WDR7: variants seen among roughly 807,000 people sequenced by gnomAD.
WDR7 encodes WD repeat domain 7, also known as WD repeat-containing protein 7.
WDR7 carries 46 observed loss-of-function variants against 169.4 expected under a neutral mutation model. That is an observed-to-expected ratio of 0.27 (90% confidence interval 0.21 to 0.35). The LOEUF (loss-of-function observed/expected upper bound fraction) is 0.35. WDR7 is among the 10% of genes least tolerant of loss of function. The pLI, the probability that WDR7 is intolerant of heterozygous loss-of-function variation, is 1.00. For synonymous variants in WDR7, 612 were observed against 666.8 expected (o/e 0.92, Z 1.27); for missense variants, 1,534 against 1,859.3 (o/e 0.83, Z 3.22).
intron 12 of WDR7, among the ~76,000 whole-genome samples, chr18:56,703,669 A>G (rs2025884229): frequency 6.6e-6 from 1 of 151,502 alleles, no homozygotes. Flanking sequence ...TTTAAAAATT[A>G]AATAATACAT....
chr18:56,923,357 A>T (rs1008954329), intron 21 of WDR7, among the ~76,000 whole-genome samples: 1 of 152,254 alleles, frequency 6.6e-6, no homozygotes, highest in Non-Finnish European at 1.5e-5. Context: ...ACAAAATCAT[A>T]TGAAGAGCTT....
At chr18:56,655,588 T>C (rs1177226380) in intron 1 of WDR7, among the ~76,000 whole-genome samples, 3 of 141,320 alleles carry the variant, frequency 2.1e-5, no homozygotes, top group Admixed American at 7.3e-5. Flanking sequence ...GCCACTGCAC[T>C]CTAGCCTGGG....
At chr18:56,681,545 C>T (rs945151327) in intron 4 of WDR7, among the ~76,000 whole-genome samples, 154 bp downstream of exon 4, 15 of 152,128 alleles carry the variant, frequency 9.9e-5, no homozygotes, top group African/African-American at 2.7e-4. Context: ...AAGTGTTCCT[C>T]GTAAGATGGT....
At chr18:56,678,975 C>G (rs182608724) in intron 2 of WDR7, among the ~76,000 whole-genome samples, 20 of 152,336 alleles carry the variant, frequency 1.3e-4, no homozygotes, top group Admixed American at 5.2e-4. Context: ...TGGAATGACA[C>G]AAGCACCCCT....
chr18:56,984,509 A>G (rs1241364956), intron 26 of WDR7, among the ~76,000 whole-genome samples: 1 of 152,238 alleles, frequency 6.6e-6, no homozygotes, highest in South Asian at 2.1e-4. Context: ...GAGCACTAGC[A>G]ATACTAGACA....
chr18:56,681,345 G>C lies in WDR7; in HGVS notation c.299G>C (p.Arg100Thr), dbSNP rs1306262300. ...EMCLWDVSDG[R>T]CIEFTKLACT... ...TGCCTCTGGGATGTGAGTGATGGCAGATGTATTGAATTTACAAAATTAGCT... is the reference window on the plus strand; with the variant it reads ...TGCCTCTGGGATGTGAGTGATGGCACATGTATTGAATTTACAAAATTAGCT... The change falls in exon 4 of 28, where the codon AGA becomes ACA. Residue 100 changes from arginine to threonine, a missense_variant. Arg to Thr is a moderately conservative substitution (Grantham distance 71, BLOSUM62 -1). Coordinates refer to ENST00000254442, the MANE Select transcript of WDR7 (RefSeq NM_015285.3). 1.9e-6 allele frequency: 3 copies of C among 1,594,926 alleles called. No individual in the cohort carries two copies. Among genetic ancestry groups the C allele is most frequent in the Non-Finnish European group, 2.6e-6 (3 of 1,174,856 alleles).
At chr18:56,823,808 G>C (rs1157321228) in intron 20 of WDR7, among the ~76,000 whole-genome samples, 1 of 152,072 alleles carries the variant, frequency 6.6e-6, no homozygotes, top group Non-Finnish European at 1.5e-5. Flanking sequence ...ATCTCTCAGT[G>C]GTTTTTGTCT....
intron 13 of WDR7, among the ~76,000 whole-genome samples, chr18:56,725,262 T>G (rs2026420005): frequency 6.6e-6 from 1 of 150,652 alleles, no homozygotes; most frequent in Non-Finnish European, 1.5e-5. Flanking sequence ...TAGTTTACAG[T>G]CCCCCAACAG....
Position 56,871,149 on chromosome 18 carries a change from A to G in WDR7, c.3305-8795A>G, listed in dbSNP as rs17090398. ...TGCTCAGACTATTTATTTTGACTAT[A>G]TGCAGACATTGTACATAGTAAATCG... On this transcript the variant is annotated intron_variant, in intron 20 of 27. Transcript: ENST00000254442. Among the ~76,000 whole-genome samples the G allele has an allele frequency of 9.5e-3, 1,447 of 152,294 alleles. 24 individuals carry two copies. The highest frequency in any genetic ancestry group is 0.033 in the African/African-American group (1,353 of 41,568).
At chr18:56,740,773 AT>A (rs2043608325) in intron 14 of WDR7, among the ~76,000 whole-genome samples, 1 of 151,972 alleles carries the variant, frequency 6.6e-6, no homozygotes, top group Non-Finnish European at 1.5e-5. Flanking sequence ...CAAAAACTCC[AT>A]TTTGCTTTCT....
intron 20 of WDR7, among the ~76,000 whole-genome samples, chr18:56,818,048 G>T (rs2045014838): frequency 6.6e-6 from 1 of 152,030 alleles, no homozygotes; most frequent in South Asian, 2.1e-4. Context: ...TGGCCTATTT[G>T]CAGATTTTTA....
In WDR7 at chr18:56,854,811, A is replaced by G. The variant is rs568008358; in HGVS notation, c.3305-25133A>G. Among the ~76,000 whole-genome samples, 9 of 152,254 alleles carry G rather than the reference A, an allele frequency of 5.9e-5. No individual in the cohort carries two copies. The East Asian group carries it at 1.7e-3, about 29-fold the overall frequency. ...AGGAAGCATTCCTGCCTTGGGGAGA[A>G]AAAGGAGCTGGTGAAAGAGAGGGCA... On this transcript the variant is annotated intron_variant, in intron 20 of 27. Transcript: ENST00000254442.
chr18:56,984,907 G>C (rs141702826), intron 26 of WDR7, among the ~76,000 whole-genome samples: 10 of 152,272 alleles, frequency 6.6e-5, no homozygotes, highest in Admixed American at 1.3e-4. Flanking sequence ...TTGCCCTTCA[G>C]CTGTGTGCAG....
chr18:56,788,724 T>C (rs1443168869), intron 19 of WDR7, among the ~76,000 whole-genome samples: 3 of 152,158 alleles, frequency 2.0e-5, no homozygotes, highest in African/African-American at 7.2e-5. Context: ...AAATACCCCT[T>C]TTGTAATGCC....
chr18:56,814,626 G>A (rs1211492285), intron 19 of WDR7, among the ~76,000 whole-genome samples: 1 of 151,970 alleles, frequency 6.6e-6, no homozygotes, highest in Non-Finnish European at 1.5e-5. Context: ...AACAGACACC[G>A]GGGTGTACTT....
chr18:56,911,617 C>A (rs1174530917), intron 21 of WDR7, among the ~76,000 whole-genome samples: 2 of 152,158 alleles, frequency 1.3e-5, no homozygotes, highest in South Asian at 2.1e-4. Flanking sequence ...GGGTCTTTGA[C>A]TGTGTATGCG....
At chr18:56,764,692 A>T (rs2044033676) in intron 16 of WDR7, among the ~76,000 whole-genome samples, 1 of 152,128 alleles carries the variant, frequency 6.6e-6, no homozygotes, top group Non-Finnish European at 1.5e-5. Context: ...CTTGGTAAAT[A>T]TACTGTGTGT....
chr18:56,908,592 C>A (rs1599148352), intron 21 of WDR7, among the ~76,000 whole-genome samples: 1 of 152,114 alleles, frequency 6.6e-6, no homozygotes, highest in East Asian at 1.9e-4. Context: ...GTCAGGTCAA[C>A]CTTATTTTGG....
chr18:56,820,124 A>T (rs1184054059), intron 20 of WDR7, among the ~76,000 whole-genome samples: 3 of 151,708 alleles, frequency 2.0e-5, no homozygotes, highest in Admixed American at 2.0e-4. Flanking sequence ...GAAGTGATAC[A>T]CCCTCTAAAT....
Sources: allele counts gnomAD v4.1 joint callset (sites outside exome capture counted in the v4.1 genomes callset), GRCh38; gene constraint gnomAD v4.1.1; transcripts MANE v1.5; gene names NCBI Gene and HGNC (gene_info 2026-07-23, HGNC 2026-07-21).